The following PAG1 variants were observed in gnomAD, a reference collection of about 807,000 sequenced individuals.
PAG1 encodes phosphoprotein membrane anchor with glycosphingolipid microdomains 1, also known as phosphoprotein associated with glycosphingolipid-enriched microdomains 1.
Under a neutral mutation model 31.7 loss-of-function variants are expected in PAG1, and 23 were observed. The ratio of observed to expected loss-of-function variants is 0.73; its 90% CI spans 0.52 to 1.03. PAG1 has a LOEUF of 1.03. PAG1 is among the 50% of genes least tolerant of loss of function. PAG1 has a pLI of 0.00. For missense variants in PAG1, 473 were observed against 540.7 expected, an observed-to-expected ratio of 0.87 and a Z score of 1.24; for synonymous variants, 214 against 210.3, an observed-to-expected ratio of 1.02 and a Z score of -0.15.
chr8:81,085,984 T>C (rs1462912379), intron 1 of PAG1, among the ~76,000 whole-genome samples: 1 of 124,372 alleles, frequency 8.0e-6, no homozygotes, highest in Non-Finnish European at 1.6e-5. Context: ...TTTTTTTTTT[T>C]TTTTTTTTTT....
intron 8 of PAG1, 114 bp downstream of exon 8, chr8:80,980,321 G>T: frequency 1.5e-6 from 1 of 658,000 alleles, no homozygotes; most frequent in Non-Finnish European, 2.7e-6. Flanking sequence ...CCAAACATAG[G>T]CATAGGAGAA....
chr8:81,092,282 G>A (rs188092756), intron 1 of PAG1, among the ~76,000 whole-genome samples: 4 of 152,024 alleles, frequency 2.6e-5, no homozygotes, highest in East Asian at 1.9e-4. Context: ...TACTTGAGGC[G>A]CTGAGGCGGG....
chr8:81,013,467 C>T (rs915739983), intron 3 of PAG1, among the ~76,000 whole-genome samples: 1 of 152,158 alleles, frequency 6.6e-6, no homozygotes, highest in African/African-American at 2.4e-5. Context: ...CCTCCAGGGC[C>T]CCTCTCTCTG....
rs939422531 is a variant in PAG1 at position 80,974,504 on chromosome 8, C to T, written c.*2040G>A. 2.0e-5 allele frequency: 3 copies of T among 152,204 alleles called. No individual in the cohort carries two copies. Among genetic ancestry groups the T allele is most frequent in the African/African-American group, 2.4e-5 (1 of 41,446 alleles). The allele number at this position is 152,204 out of a possible 1,614,324, so 9.4% of individuals were successfully genotyped here. On this transcript the variant is annotated 3_prime_UTR_variant, in exon 9 of 9. Transcript: ENST00000220597. ...TCAGTGATGATTGTGCTTATGCACA[C>T]GACATCTTCATGGGAGAGACCAGGC...
intron 2 of PAG1, among the ~76,000 whole-genome samples, chr8:81,042,749 C>T (rs925881823): frequency 6.6e-6 from 1 of 152,046 alleles, no homozygotes; most frequent in African/African-American, 2.4e-5. Context: ...GGGGTAAAGA[C>T]TTTTCCCTCC....
At chr8:80,992,622 C>T (rs1282233194) in intron 4 of PAG1, among the ~76,000 whole-genome samples, 1 of 152,138 alleles carries the variant, frequency 6.6e-6, no homozygotes, top group East Asian at 1.9e-4. Context: ...TCATATACAG[C>T]ATGTTCCTCT....
chr8:81,017,111 A>G (rs1016013404), intron 3 of PAG1, among the ~76,000 whole-genome samples: 1 of 152,230 alleles, frequency 6.6e-6, no homozygotes, highest in African/African-American at 2.4e-5. Context: ...CACAGAATCA[A>G]GAGCTAAATA....
At chr8:81,078,657 C>G (rs1055887758) in intron 1 of PAG1, among the ~76,000 whole-genome samples, 2 of 152,132 alleles carry the variant, frequency 1.3e-5, no homozygotes, top group African/African-American at 4.8e-5. Context: ...ACTCCATACA[C>G]TAAGGGACAG....
At chr8:80,993,470 T>G (rs1490951348) in intron 3 of PAG1, among the ~76,000 whole-genome samples, 163 bp from the exon 4 acceptor site, 1 of 152,106 alleles carries the variant, frequency 6.6e-6, no homozygotes, top group Non-Finnish European at 1.5e-5. Flanking sequence ...TCTGGGCAAG[T>G]CCCCTCCATG....
chr8:81,106,026 G>C (rs1809687689), intron 1 of PAG1, among the ~76,000 whole-genome samples: 1 of 152,126 alleles, frequency 6.6e-6, no homozygotes, highest in Non-Finnish European at 1.5e-5. Flanking sequence ...GTACAAAGCT[G>C]TTAGTGACCA....
intron 3 of PAG1, among the ~76,000 whole-genome samples, chr8:81,019,524 G>C (rs1257212460): frequency 2.0e-5 from 3 of 152,258 alleles, no homozygotes; most frequent in Non-Finnish European, 4.4e-5. Flanking sequence ...CCAACATACA[G>C]CTCAGGCCCT....
Position 80,993,293 on chromosome 8 carries a change from G to A in PAG1, c.-66C>T, listed in dbSNP as rs1807597674. 2.6e-6 allele frequency: 4 copies of A among 1,511,830 alleles called. No homozygotes were observed. The allele number at this position is 1,511,830 out of a possible 1,614,324, so 93.7% of individuals were successfully genotyped here. On this transcript the variant is annotated 5_prime_UTR_variant, in exon 4 of 9. Coordinates refer to ENST00000220597, the MANE Select transcript of PAG1 (RefSeq NM_018440.4). ...GTCCTTCAAAGGTGGTGACATGGAG[G>A]CAGAGAGCTGTGTCCTGCAAAGAGA...
chr8:81,066,109 C>T (rs73694041), intron 2 of PAG1, among the ~76,000 whole-genome samples: 1,805 of 152,280 alleles, frequency 0.012, 44 homozygotes, highest in African/African-American at 0.041. Flanking sequence ...TACATCCTTC[C>T]GGAGCAAGCT....
At chr8:81,009,664 G>A (rs1239894293) in intron 3 of PAG1, among the ~76,000 whole-genome samples, 2 of 152,164 alleles carry the variant, frequency 1.3e-5, no homozygotes, top group African/African-American at 4.8e-5. Context: ...CCTTGCTGGA[G>A]TACAGTGGTG....
At position 81,109,017 on chromosome 8, in the gene PAG1, T is replaced by C. The variant is rs183076094; in HGVS notation, c.-234+2574A>G. 3.9e-3 allele frequency among the ~76,000 whole-genome samples: 582 copies of C among 151,078 alleles called. 3 individuals are homozygous for C. The highest frequency in any genetic ancestry group is 4.0e-3 in the Non-Finnish European group (272 of 67,600). On this transcript the variant is annotated intron_variant, in intron 1 of 8. Transcript: ENST00000220597. The stretch of plus-strand genomic sequence containing the variant: ...CTGTGTAGATTGCTGCAGCTACACG[T>C]GCAGGCAGGAAACCAAATGGAGACC...
intron 2 of PAG1, among the ~76,000 whole-genome samples, chr8:81,053,221 C>A (rs1808761257): frequency 6.6e-6 from 1 of 152,166 alleles, no homozygotes; most frequent in Admixed American, 6.5e-5. Flanking sequence ...ACCCTGCCAG[C>A]CAATGAGGCC....
At chr8:80,996,060 T>C (rs1293111240) in intron 3 of PAG1, among the ~76,000 whole-genome samples, 1 of 152,268 alleles carries the variant, frequency 6.6e-6, no homozygotes, top group Non-Finnish European at 1.5e-5. Context: ...GCGAACAGAA[T>C]GATCATCATC....
At chr8:81,000,935 A>C (rs1347518555) in intron 3 of PAG1, among the ~76,000 whole-genome samples, 1 of 152,134 alleles carries the variant, frequency 6.6e-6, no homozygotes, top group Non-Finnish European at 1.5e-5. Context: ...CCTCTCTGCA[A>C]TGACAATTTC....
At chr8:81,029,148 G>A (rs140107095) in intron 3 of PAG1, among the ~76,000 whole-genome samples, 1 of 152,300 alleles carries the variant, frequency 6.6e-6, no homozygotes, top group East Asian at 1.9e-4. Context: ...AGACTGAGCA[G>A]CGACAGGGGA....
Sources: allele counts gnomAD v4.1 joint callset (sites outside exome capture counted in the v4.1 genomes callset), GRCh38; gene constraint gnomAD v4.1.1; transcripts MANE v1.5; gene names NCBI Gene and HGNC (gene_info 2026-07-23, HGNC 2026-07-21).